PREB: variants seen among roughly 807,000 people sequenced by gnomAD.
PREB encodes the protein guanine nucleotide-exchange factor SEC12.
A neutral mutation model predicts 46.7 loss-of-function variants in PREB; 29 were observed. The observed-to-expected ratio is 0.62, with a 90% confidence interval of 0.46 to 0.85. PREB has a LOEUF of 0.85. Among genes scored for constraint, PREB ranks in the 40% least tolerant of loss-of-function variants. The pLI is 0.00. For missense variants in PREB, 494 were observed against 528.4 expected (o/e 0.93, Z 0.64); for synonymous variants, 224 against 220.1 (o/e 1.02, Z -0.16).
Position 27,132,731 on chromosome 2 carries a change from G to C in PREB, c.628-4C>G, listed in dbSNP as rs183904099. The C allele has an allele frequency of 1.2e-6, 2 of 1,614,136 alleles. No homozygotes were observed. The highest frequency in any genetic ancestry group is 1.7e-6 in the Non-Finnish European group (2 of 1,180,016). ...GGTCCCGGCCCACGGTTACCAACTA[G>C]TTAGGAATAAAGATTCCAAGGATGG... On this transcript the variant is annotated splice_region_variant and splice_polypyrimidine_tract_variant and intron_variant, in intron 4 of 8. Transcript: ENST00000260643. The surrounding 1 kb of genome is among the most constrained non-coding windows in gnomAD (Gnocchi z 4.0).
chr2:27,131,125 A>G lies in PREB; in HGVS notation c.*289T>C. The G allele has an allele frequency of 1.9e-6, 1 of 527,140 alleles. No homozygotes were observed. Among genetic ancestry groups the G allele is most frequent in the South Asian group, 2.3e-5 (1 of 43,364 alleles). 32.7% of individuals were successfully genotyped at this position (527,140 alleles called of 1,614,324 possible). A position where few individuals can be genotyped will look rare whatever the true frequency, so the allele number is the denominator to read the frequency against. The stretch of plus-strand genomic sequence containing the variant: ...ATGTTTCTAGATAAGGACAAGCTCA[A>G]CTCTGGAGCCTCTGGTAGGCAGAAG... On this transcript the variant is annotated 3_prime_UTR_variant, in exon 9 of 9. Coordinates refer to ENST00000260643, the MANE Select transcript of PREB (RefSeq NM_013388.6).
At position 27,131,845 on chromosome 2, in the gene PREB, G is replaced by A; in HGVS notation, c.1000-14C>T. The stretch of plus-strand genomic sequence containing the variant: ...GTAGTAGAGGCACTGTGGGCAGAAG[G>A]AATACCAGTGAGGAAAGGCCTAGCT... On this transcript the variant is annotated splice_polypyrimidine_tract_variant and intron_variant, in intron 7 of 8. Transcript: ENST00000260643. 3 of 1,613,004 alleles carry A rather than the reference G, an allele frequency of 1.9e-6. No individual in the cohort carries two copies. Among genetic ancestry groups the A allele is most frequent in the Middle Eastern group, 3.3e-4 (2 of 6,052 alleles).
chr2:27,131,053 TTC>T lies in PREB; in HGVS notation c.*359_*360del, dbSNP rs1672239136. 1.9e-6 allele frequency: 1 copy of T among 519,856 alleles called. No homozygotes were observed. The highest frequency in any genetic ancestry group is 3.3e-5 in the Admixed American group (1 of 30,254). 32.2% of individuals were successfully genotyped at this position (519,856 alleles called of 1,614,324 possible). ...GGCTGAGGGGAGGAGGAGAAACTGT[TTC>T]TGCAGGAAGGACAGCAGTGCCTCCA... On this transcript the variant is annotated 3_prime_UTR_variant, in exon 9 of 9. Transcript: ENST00000260643.
Position 27,132,530 on chromosome 2 carries a change from T to TC in PREB, c.752+72dup. The TC allele has an allele frequency of 6.2e-7, 1 of 1,604,150 alleles. No individual in the cohort carries two copies. The highest frequency in any genetic ancestry group is 8.5e-7 in the Non-Finnish European group (1 of 1,174,388). On this transcript the variant is annotated intron_variant, in intron 5 of 8. Coordinates refer to ENST00000260643, the MANE Select transcript of PREB (RefSeq NM_013388.6). This position sits in a 1 kb window ranked among gnomAD's most constrained non-coding sequence, Gnocchi z 4.0. ...AACAAGTTCCTCCCCAGCTCTCCCA[T>TC]CCCCAGTCTTTTCCCTCTCCCCCAC...
rs371389275 is a variant in PREB at position 27,132,919 on chromosome 2, G to A, written c.551C>T (p.Pro184Leu). 11 of 1,613,976 alleles carry A rather than the reference G, an allele frequency of 6.8e-6. No individual in the cohort carries two copies. The African/African-American group carries it at 1.3e-4, about 20-fold the overall frequency. The change falls in exon 4 of 9, where the codon CCC (proline) becomes CTC (leucine). Residue 184 changes from proline (P) to leucine (L), a missense_variant. Physicochemically the swap from Pro to Leu is moderately conservative, Grantham distance 98. Coordinates refer to ENST00000260643, the MANE Select transcript of PREB (RefSeq NM_013388.6). This position sits in a 1 kb window ranked among gnomAD's most constrained non-coding sequence, Gnocchi z 4.0. ...TDGYVRVWKV[P>L]SLEKVLEFKA... ...GAACTCCAGAACCTTCTCCAGGCTG[G>A]GCACCTGTAGCCAAACAACCACCAT...
intron 1 of PREB, 68 bp downstream of exon 1, chr2:27,134,219 C>A (rs1672404359): frequency 2.1e-6 from 3 of 1,462,782 alleles, no homozygotes; most frequent in Non-Finnish European, 1.8e-6. Flanking sequence ...GCCCCGCGAC[C>A]CCCCGGCCAC....
Position 27,133,142 on chromosome 2 carries a change from G to C in PREB, c.521C>G (p.Thr174Arg). The C allele has an allele frequency of 6.2e-7, 1 of 1,614,194 alleles. No homozygotes were observed. The highest frequency in any genetic ancestry group is 8.5e-7 in the Non-Finnish European group (1 of 1,180,036). The change falls in exon 3 of 9, where the codon ACA (threonine) becomes AGA (arginine). Residue 174 changes from threonine to arginine, a missense_variant. Physicochemically the swap from Thr to Arg is moderately conservative, Grantham distance 71. Coordinates refer to ENST00000260643, the MANE Select transcript of PREB (RefSeq NM_013388.6). ...HDNTLLATGG[T>R]DGYVRVWKVP... ...CTTCCAGACACGGACGTAGCCATCT[G>C]TTCCTCCAGTGGCAAGCAGGGTATT... is the stretch of plus-strand genomic sequence containing the variant.
In PREB at chr2:27,134,625, C is replaced by G. The variant is rs1204772036; in HGVS notation, c.-204G>C. The G allele has an allele frequency of 1.1e-5, 14 of 1,281,482 alleles. No homozygotes were observed. The highest frequency in any genetic ancestry group is 2.9e-4 in the Middle Eastern group (1 of 3,394). 79.4% of individuals were successfully genotyped at this position (1,281,482 alleles called of 1,614,324 possible). On this transcript the variant is annotated 5_prime_UTR_variant, in exon 1 of 9. Transcript: ENST00000260643. ...CTCGGCTCCGTCCAAGTCGGTCTCG[C>G]AGACGCGCACTGCGCATGCGCACCT...
rs749027447 is a variant in PREB at position 27,131,742 on chromosome 2, C to T, written c.1089G>A (p.Gly363=). ...CAGAGAACAGGGCAGTTTCATGGGA[C>T]CCAAGGAGCTCTGGACCACGACCCT... is the stretch of plus-strand genomic sequence containing the variant. ...PEKGRGPELL[G]SHETALFSVA... is the part of the protein sequence containing the mutation. The change falls in exon 8 of 9, where the codon GGG becomes GGA. Residue 363 remains glycine (G), a synonymous_variant. Coordinates refer to ENST00000260643, the MANE Select transcript of PREB (RefSeq NM_013388.6). 2 of 1,613,990 alleles carry T rather than the reference C, an allele frequency of 1.2e-6. No homozygotes were observed. The highest frequency in any genetic ancestry group is 1.1e-5 in the South Asian group (1 of 91,082).
Position 27,134,580 on chromosome 2 carries a change from A to T in PREB, c.-159T>A. ...GGGAGTTGCCAAAACCCTGACCATC[A>T]GCAGGAAGCCGAGCCTCAGCTCGGC... On this transcript the variant is annotated 5_prime_UTR_variant, in exon 1 of 9. Transcript: ENST00000260643. 8.9e-6 allele frequency: 12 copies of T among 1,344,198 alleles called. No individual in the cohort carries two copies. The highest frequency in any genetic ancestry group is 1.1e-5 in the Non-Finnish European group (12 of 1,053,658). 83.3% of individuals were successfully genotyped at this position (1,344,198 alleles called of 1,614,324 possible).
chr2:27,134,128 C>A (rs1490284936), intron 1 of PREB, 159 bp downstream of exon 1: 1 of 985,796 alleles, frequency 1.0e-6, no homozygotes, highest in Non-Finnish European at 1.4e-6. Flanking sequence ...GCTGAGTTCT[C>A]GACTGAAATT....
At position 27,134,593 on chromosome 2, in the gene PREB, G is replaced by C. The variant is rs1672427210; in HGVS notation, c.-172C>G. ...ACCCTGACCATCAGCAGGAAGCCGA[G>C]CCTCAGCTCGGCTCCGTCCAAGTCG... On this transcript the variant is annotated 5_prime_UTR_variant, in exon 1 of 9. Transcript: ENST00000260643. 1.5e-6 allele frequency: 2 copies of C among 1,341,382 alleles called. No individual in the cohort carries two copies. Among genetic ancestry groups the C allele is most frequent in the East Asian group, 3.0e-5 (1 of 32,940 alleles). The allele number at this position is 1,341,382 out of a possible 1,614,324, so 83.1% of individuals were successfully genotyped here. A position where few individuals can be genotyped will look rare whatever the true frequency, so the allele number is the denominator to read the frequency against.
In PREB at chr2:27,133,255, C is replaced by A. The variant is rs1358248865; in HGVS notation, c.408G>T (p.Gly136=). The change falls in exon 3 of 9, where the codon GGG becomes GGT. Residue 136 remains glycine, a synonymous_variant. Coordinates refer to ENST00000260643, the MANE Select transcript of PREB (RefSeq NM_013388.6). Reference sequence around the variant, plus strand: ...GCAAATTCTCTACCCTGAGTTCTAGCCCCTCGTGCTGGGTTTCCGCTCCAC... The same window carrying A: ...GCAAATTCTCTACCCTGAGTTCTAGACCCTCGTGCTGGGTTTCCGCTCCAC... The part of the protein sequence containing the change: ...KKCGAETQHE[G]LELRVENLQA... The A allele has an allele frequency of 1.2e-6, 2 of 1,614,214 alleles. No individual in the cohort carries two copies. Among genetic ancestry groups the A allele is most frequent in the Non-Finnish European group, 1.7e-6 (2 of 1,180,050 alleles).
In PREB at chr2:27,132,718, C is replaced by T. The variant is rs749571851; in HGVS notation, c.637G>A (p.Val213Met). 8 of 1,614,162 alleles carry T rather than the reference C, an allele frequency of 5.0e-6. No individual in the cohort carries two copies. Among genetic ancestry groups the T allele is most frequent in the Middle Eastern group, 1.7e-4 (1 of 6,060 alleles). Residue 213 changes from valine to methionine, a missense_variant, in exon 5 of 9, where the codon GTG (valine) becomes ATG (methionine). Physicochemically the swap from Val to Met is conservative, Grantham distance 21. Transcript: ENST00000260643. The surrounding 1 kb of genome is among the most constrained non-coding windows in gnomAD (Gnocchi z 4.0). ...ALGPDGKLVT[V>M]GRDLKASVWQ... ...ACAGAGGCCTTAAGGTCCCGGCCCA[C>T]GGTTACCAACTAGTTAGGAATAAAG...
intron 8 of PREB, 64 bp downstream of exon 8, chr2:27,131,607 CG>C (rs1214972021): frequency 1.3e-6 from 2 of 1,598,690 alleles, no homozygotes; most frequent in South Asian, 1.1e-5. Flanking sequence ...GCCCAGCCTC[CG>C]GGGGGCACGT....
chr2:27,133,205 G>A lies in PREB; in HGVS notation c.458C>T (p.Ser153Phe), dbSNP rs1558480006. The A allele has an allele frequency of 6.2e-7, 1 of 1,614,040 alleles. No individual in the cohort carries two copies. The highest frequency in any genetic ancestry group is 1.3e-5 in the African/African-American group (1 of 74,902). ...NLQAVQTDFS[S>F]DPLQKVVCFN... ...GCACACAACTTTCTGCAGTGGATCG[G>A]AGCTAAAGTCTGTCTGCACCGCCTG... The change falls in exon 3 of 9, where the codon TCC becomes TTC. Residue 153 changes from serine to phenylalanine, a missense_variant. Physicochemically the swap from Ser to Phe is radical, Grantham distance 155. Transcript: ENST00000260643.
At position 27,133,321 on chromosome 2, in the gene PREB, C is replaced by T. The variant is rs774934491; in HGVS notation, c.342G>A (p.Gly114=). ...KAEKAGSKEQ[G]PRQRKGAAPA... is the part of the protein sequence containing the mutation. ...GGGCTGCTCCCTTCCTTTGTCGAGG[C>T]CCCTGCTCCTTGGAACCTGTAACAC... The change falls in exon 3 of 9, where the codon GGG becomes GGA. Residue 114 remains glycine (G), a synonymous_variant. Transcript: ENST00000260643. 6.2e-7 allele frequency: 1 copy of T among 1,614,180 alleles called. No individual in the cohort carries two copies. The highest frequency in any genetic ancestry group is 8.5e-7 in the Non-Finnish European group (1 of 1,180,050).
In PREB at chr2:27,132,029, T is replaced by C. The variant is rs748274009; in HGVS notation, c.980A>G (p.Tyr327Cys). The C allele has an allele frequency of 1.2e-6, 2 of 1,614,162 alleles. No homozygotes were observed. The highest frequency in any genetic ancestry group is 2.2e-5 in the South Asian group (2 of 91,086). ...LGTVTGSVAIYIAFSLQCLYY... is the reference protein window; with the variant it reads ...LGTVTGSVAICIAFSLQCLYY... ...CATTACCTGGAGAGAGAAAGCTATG[T>C]AGATGGCAACAGAGCCAGTGACTGT... Residue 327 changes from tyrosine (Y) to cysteine (C), a missense_variant, in exon 7 of 9, where the codon TAC (tyrosine) becomes TGC (cysteine). Transcript: ENST00000260643. The surrounding 1 kb of genome is among the most constrained non-coding windows in gnomAD (Gnocchi z 4.0).
In PREB at chr2:27,133,210, A is replaced by G. The variant is rs1237692548; in HGVS notation, c.453T>C (p.Phe151=). 4 of 1,614,050 alleles carry G rather than the reference A, an allele frequency of 2.5e-6. No homozygotes were observed. Among genetic ancestry groups the G allele is most frequent in the Non-Finnish European group, 1.7e-6 (2 of 1,180,028 alleles). ...VENLQAVQTD[F]SSDPLQKVVC... is the part of the protein sequence containing the mutation. ...CAACTTTCTGCAGTGGATCGGAGCT[A>G]AAGTCTGTCTGCACCGCCTGCAAAT... The change falls in exon 3 of 9, where the codon TTT becomes TTC. Residue 151 remains phenylalanine, a synonymous_variant. Transcript: ENST00000260643.
Sources: gnomAD v4.1 joint callset for allele counts on GRCh38, gnomAD v4.1.1 for gene constraint, Gnocchi (gnomAD v3.1) non-coding constraint, MANE v1.5 for transcripts, NCBI Gene and HGNC (gene_info 2026-07-23, HGNC 2026-07-21) for gene names.